SLC44A2: variants seen among roughly 807,000 people sequenced by gnomAD.
The protein encoded by SLC44A2 is solute carrier family 44 member 2 (CTL2 blood group), also known as choline transporter-like protein 2.
In SLC44A2, 57 loss-of-function variants were observed where a neutral mutation model predicts 90.8. The observed-to-expected ratio is 0.63, with a 90% confidence interval of 0.51 to 0.78. The LOEUF is 0.78. Ranked by LOEUF, SLC44A2 falls within the 30% of genes least tolerant of loss-of-function variation. SLC44A2 has a pLI of 0.00. For missense variants in SLC44A2, 794 were observed against 919.7 expected, an observed-to-expected ratio of 0.86 and a Z score of 1.77; for synonymous variants, 355 against 360.7, an observed-to-expected ratio of 0.98 and a Z score of 0.18.
chr19:10,635,766 C>G (rs576557604), intron 14 of SLC44A2: 117 of 392,888 alleles, frequency 3.0e-4, no homozygotes, highest in Middle Eastern at 2.9e-3. Context: ...CCATTTTTCC[C>G]TACTTCCTTT....
At chr19:10,604,336 C>G (rs1918040484) in intron 1 of SLC44A2, among the ~76,000 whole-genome samples, 1 of 152,176 alleles carries the variant, frequency 6.6e-6, no homozygotes, top group South Asian at 2.1e-4. Context: ...AGCAAACAAA[C>G]CACGTAGTTA....
upstream of SLC44A2, among the ~76,000 whole-genome samples, chr19:10,620,890 T>A (rs2066890600): frequency 6.6e-6 from 1 of 151,982 alleles, no homozygotes; most frequent in Admixed American, 6.6e-5. Context: ...AATTTTAAAA[T>A]TAGGCAGGCA....
chr19:10,642,764 T>C (rs980768670), intron 21 of SLC44A2: 13 of 1,196,944 alleles, frequency 1.1e-5, no homozygotes, highest in Middle Eastern at 2.9e-4. Flanking sequence ...TCCATCTGTT[T>C]TTTTTGTTTG....
chr19:10,632,232 A>T (rs1413631575), intron 10 of SLC44A2, 76 bp downstream of exon 10: 1 of 1,390,042 alleles, frequency 7.2e-7, no homozygotes, highest in African/African-American at 1.4e-5. Context: ...GAAATGGCCC[A>T]TCAGGAAAAC....
chr19:10,637,917 G>C lies in SLC44A2; in HGVS notation c.1757G>C (p.Arg586Thr), dbSNP rs2067076437. 6.2e-7 allele frequency: 1 copy of C among 1,613,978 alleles called. No homozygotes were observed. The highest frequency in any genetic ancestry group is 8.5e-7 in the Non-Finnish European group (1 of 1,180,014). ...SARNAFFLLM[R>T]NIIRVAVLDK... ...AGGAATGCCTTCTTCCTGCTCATGA[G>C]AAACATCATCAGGTCGGGAATCATT... The change falls in exon 18 of 22, where the codon AGA (arginine) becomes ACA (threonine). Residue 586 changes from arginine (R) to threonine (T), a missense_variant. This residue lies in a region of SLC44A2 where 738 missense variants were observed against 841.1 expected (regional missense o/e 0.88). Coordinates refer to ENST00000335757, the MANE Select transcript of SLC44A2 (RefSeq NM_020428.4).
chr19:10,640,084 CTT>C (rs751829090), intron 20 of SLC44A2, among the ~76,000 whole-genome samples: 1 of 89,242 alleles, frequency 1.1e-5, no homozygotes, highest in Non-Finnish European at 2.1e-5. Flanking sequence ...GGTCCACTGA[CTT>C]TTTTTTTTTT....
In SLC44A2 at chr19:10,634,791, C is replaced by T. The variant is rs200371616; in HGVS notation, c.859C>T (p.Arg287Cys). The T allele has an allele frequency of 2.8e-5, 45 of 1,614,166 alleles. No homozygotes were observed. Among genetic ancestry groups the T allele is most frequent in the African/African-American group, 6.7e-5 (5 of 75,036 alleles). ...CTGCTACATGGAGTACTCCCGACTG[C>T]GTGGTGAGGCCGGCTCTGATGTCTC... Reference protein sequence around the residue: ...FHCYMEYSRLRGEAGSDVSLV... With the variant: ...FHCYMEYSRLCGEAGSDVSLV... Residue 287 changes from arginine (R) to cysteine (C), a missense_variant, in exon 11 of 22, where the codon CGT becomes TGT. Arg to Cys is a radical substitution (Grantham distance 180). Around this residue, in one of 3 missense-constraint regions of SLC44A2, gnomAD observed 738 missense variants for 841.1 expected, o/e 0.88. Coordinates refer to ENST00000335757, the MANE Select transcript of SLC44A2 (RefSeq NM_020428.4).
chr19:10,620,662 A>G (rs1025163817), upstream of SLC44A2, among the ~76,000 whole-genome samples: 1 of 152,176 alleles, frequency 6.6e-6, no homozygotes, highest in African/African-American at 2.4e-5. Flanking sequence ...TGAAAGACAC[A>G]CAAATCCCTG....
Position 10,642,365 on chromosome 19 carries a change from A to G in SLC44A2, c.1930-2A>G. 1 of 1,614,018 alleles carries G rather than the reference A, an allele frequency of 6.2e-7. No homozygotes were observed. The highest frequency in any genetic ancestry group is 8.5e-7 in the Non-Finnish European group (1 of 1,179,952). On this transcript the variant is annotated splice_acceptor_variant, in intron 20 of 21. Coordinates refer to ENST00000335757, the MANE Select transcript of SLC44A2 (RefSeq NM_020428.4). LOFTEE classifies it high-confidence loss of function. ...AGGGACAGCTCGTTTCTCCTTGCCC[A>G]GACGGTGATCGTTGGCTCCTACTTG...
At chr19:10,617,586 T>C (rs547574953) in intron 1 of SLC44A2, among the ~76,000 whole-genome samples, 1 of 152,262 alleles carries the variant, frequency 6.6e-6, no homozygotes, top group Non-Finnish European at 1.5e-5. Flanking sequence ...CAGCTGAGAC[T>C]CCCTCATGTG....
chr19:10,606,453 A>G (rs1470535197), intron 1 of SLC44A2, among the ~76,000 whole-genome samples: 1 of 152,090 alleles, frequency 6.6e-6, no homozygotes, highest in African/African-American at 2.4e-5. Flanking sequence ...AGGCAGGTGG[A>G]TCACCTGAAG....
rs1274901710 is a variant in SLC44A2 at position 10,642,792 on chromosome 19, C to T, written c.2014+341C>T. On this transcript the variant is annotated intron_variant, in intron 21 of 21. Coordinates refer to ENST00000335757, the MANE Select transcript of SLC44A2 (RefSeq NM_020428.4). ...TTTGTTTGTTTTTTTCTTCTCTCTT[C>T]CTCTCCTCCATGCCTGCTGGCTTCC... 4.5e-6 allele frequency: 6 copies of T among 1,346,656 alleles called. No homozygotes were observed. The East Asian group carries it at 1.0e-4, about 23-fold the overall frequency. The allele number at this position is 1,346,656 out of a possible 1,614,324, so 83.4% of individuals were successfully genotyped here.
chr19:10,620,098 C>A (rs1390368115), intron 1 of SLC44A2, among the ~76,000 whole-genome samples: 1 of 152,052 alleles, frequency 6.6e-6, no homozygotes. Flanking sequence ...ATCACTCGAG[C>A]CCAGCAGGTG....
chr19:10,617,271 C>T (rs1159023151), intron 1 of SLC44A2, among the ~76,000 whole-genome samples: 1 of 152,124 alleles, frequency 6.6e-6, no homozygotes, highest in African/African-American at 2.4e-5. Context: ...AGCGAGTTCC[C>T]ATCCTGCGGG....
intron 1 of SLC44A2, among the ~76,000 whole-genome samples, chr19:10,609,788 A>G (rs1351650462): frequency 1.3e-5 from 2 of 151,814 alleles, no homozygotes; most frequent in Non-Finnish European, 2.9e-5. Flanking sequence ...AAATGTACAG[A>G]TCTATGATGT....
chr19:10,614,973 A>G (rs74339252), intron 1 of SLC44A2, among the ~76,000 whole-genome samples: 1 of 149,936 alleles, frequency 6.7e-6, no homozygotes, highest in Non-Finnish European at 1.5e-5. Context: ...TCCGTCTCAA[A>G]AAAAAAAAAA....
intron 1 of SLC44A2, among the ~76,000 whole-genome samples, chr19:10,610,729 T>A (rs1448984991): frequency 2.2e-5 from 3 of 137,176 alleles, no homozygotes; most frequent in African/African-American, 8.1e-5. Context: ...AACCTTTGCC[T>A]CCCGGGTTCA....
upstream of SLC44A2, among the ~76,000 whole-genome samples, chr19:10,623,183 G>A (rs1031664312): frequency 6.6e-6 from 1 of 151,996 alleles, no homozygotes; most frequent in Non-Finnish European, 1.5e-5. Context: ...CAGAGACTTC[G>A]AGAACCACAG....
intron 1 of SLC44A2, chr19:10,602,594 G>A: frequency 8.0e-7 from 1 of 1,254,936 alleles, no homozygotes. Flanking sequence ...GGCCGCCTCT[G>A]CTGACCTGCG....
Sources: allele counts gnomAD v4.1 joint callset (sites outside exome capture counted in the v4.1 genomes callset), GRCh38; gene constraint gnomAD v4.1.1; regional missense constraint gnomAD v4.1.1; transcripts MANE v1.5; gene names NCBI Gene and HGNC (gene_info 2026-07-23, HGNC 2026-07-21).